Variants in PLCB1 observed in about 807,000 individuals in gnomAD.
PLCB1 encodes phospholipase C beta 1, also known as 1-phosphatidylinositol 4,5-bisphosphate phosphodiesterase beta-1.
A neutral mutation model predicts 161.8 loss-of-function variants in PLCB1; 46 were observed. The observed-to-expected ratio is 0.28, with a 90% confidence interval of 0.22 to 0.36. The LOEUF (loss-of-function observed/expected upper bound fraction) is 0.36, where lower values mean the gene tolerates loss of function less well. Among genes scored for constraint, PLCB1 ranks in the 10% least tolerant of loss-of-function variants. The probability of loss-of-function intolerance (pLI) is 1.00; values close to 1 mark genes in which losing one functional copy is unlikely to be tolerated. For missense variants in PLCB1, 1,016 were observed against 1,472.5 expected (o/e 0.69, Z 5.07); for synonymous variants, 517 against 503.7 (o/e 1.03, Z -0.35).
At chr20:8,534,261 G>A (rs1006987094) in intron 3 of PLCB1, among the ~76,000 whole-genome samples, 4 of 152,108 alleles carry the variant, frequency 2.6e-5, no homozygotes, top group Admixed American at 6.6e-5. Context: ...TGCCATGCCC[G>A]GTTATTCTGG....
At chr20:8,655,719 G>A (rs1989439860) in intron 7 of PLCB1, among the ~76,000 whole-genome samples, 1 of 151,996 alleles carries the variant, frequency 6.6e-6, no homozygotes, top group South Asian at 2.1e-4. Flanking sequence ...CACCCTTGGG[G>A]TTCATAAAAT....
intron 3 of PLCB1, among the ~76,000 whole-genome samples, chr20:8,539,656 C>CT: frequency 1.1e-5 from 1 of 92,854 alleles, no homozygotes. Context: ...TTCTTTCTTT[C>CT]TTTCTTTCTT....
At chr20:8,187,034 A>G (rs576784637) in intron 2 of PLCB1, among the ~76,000 whole-genome samples, 4 of 152,280 alleles carry the variant, frequency 2.6e-5, no homozygotes, top group African/African-American at 4.8e-5. Flanking sequence ...AGAGATCCCT[A>G]TAGGGATTCT....
chr20:8,630,603 T>C (rs1293372065), intron 4 of PLCB1, among the ~76,000 whole-genome samples: 5 of 152,204 alleles, frequency 3.3e-5, no homozygotes, highest in Non-Finnish European at 5.9e-5. Context: ...AATGGATAGT[T>C]GGATGGATAA....
intron 2 of PLCB1, among the ~76,000 whole-genome samples, chr20:8,316,626 C>G (rs1028603909): frequency 6.6e-6 from 1 of 152,138 alleles, no homozygotes; most frequent in African/African-American, 2.4e-5. Context: ...AATCCCAGAA[C>G]TATTCTCTAA....
chr20:8,788,693 T>C lies in PLCB1; in HGVS notation c.3249T>C (p.Ala1083=), dbSNP rs748971124. Residue 1083 remains alanine (A), a synonymous_variant, in exon 29 of 32, where the codon GCT becomes GCC. Coordinates refer to ENST00000338037, the MANE Select transcript of PLCB1 (RefSeq NM_015192.4). ...AGAGGCAGGAGAAGATAACAGAAGCTAAATCCAAAGACAAAAGTCAGATGG... is the reference window on the plus strand; with the variant it reads ...AGAGGCAGGAGAAGATAACAGAAGCCAAATCCAAAGACAAAAGTCAGATGG... The part of the protein sequence containing the change: ...DKKRQEKITE[A]KSKDKSQMEE... 1.2e-6 allele frequency: 2 copies of C among 1,610,896 alleles called. No individual in the cohort carries two copies. Among genetic ancestry groups the C allele is most frequent in the East Asian group, 2.2e-5 (1 of 44,846 alleles).
At chr20:8,179,766 TATA>T (rs1240251263) in intron 2 of PLCB1, among the ~76,000 whole-genome samples, 3 of 151,928 alleles carry the variant, frequency 2.0e-5, no homozygotes, top group African/African-American at 7.3e-5. Context: ...GCTTGTTCAG[TATA>T]ATATTGACTG....
intron 31 of PLCB1, among the ~76,000 whole-genome samples, chr20:8,829,408 GA>G (rs1449073770): frequency 2.0e-5 from 3 of 152,196 alleles, no homozygotes; most frequent in Admixed American, 6.5e-5. Flanking sequence ...TAATTCAGAT[GA>G]ACACCTTCGT....
At position 8,740,434 on chromosome 20, in the gene PLCB1, C is replaced by T. The variant is rs780990860; in HGVS notation, c.2399C>T (p.Pro800Leu). The T allele has an allele frequency of 6.3e-7, 1 of 1,583,550 alleles. No individual in the cohort carries two copies. Among genetic ancestry groups the T allele is most frequent in the Non-Finnish European group, 8.6e-7 (1 of 1,164,752 alleles). Residue 800 changes from proline to leucine, a missense_variant, in exon 22 of 32, where the codon CCA (proline) becomes CTA (leucine). By Grantham distance (98) the Pro-to-Leu change is moderately conservative (BLOSUM62 -3). This residue lies in a region of PLCB1 where 75 missense variants were observed against 117.0 expected (regional missense o/e 0.64). Transcript: ENST00000338037. ...TACATAGAAGTGAAAGACTATGTGC[C>T]AGACACATATGCAGGTAAACAACTT... The part of the protein sequence containing the change: ...FVYIEVKDYV[P>L]DTYADVIEAL...
intron 2 of PLCB1, among the ~76,000 whole-genome samples, chr20:8,350,174 A>G (rs957655646): frequency 6.6e-6 from 1 of 152,138 alleles, no homozygotes; most frequent in Admixed American, 6.5e-5. Context: ...TGCTGCACAG[A>G]TCAATCCATC....
intron 3 of PLCB1, among the ~76,000 whole-genome samples, chr20:8,504,856 AG>A (rs1983570769): frequency 6.6e-6 from 1 of 152,200 alleles, no homozygotes; most frequent in Non-Finnish European, 1.5e-5. Context: ...TCTCTCTGGA[AG>A]GAAGATATTG....
intron 3 of PLCB1, among the ~76,000 whole-genome samples, chr20:8,591,301 A>T (rs1987144378): frequency 6.6e-6 from 1 of 152,180 alleles, no homozygotes; most frequent in African/African-American, 2.4e-5. Flanking sequence ...AACTTTGGGG[A>T]GCCATTATTC....
intron 3 of PLCB1, among the ~76,000 whole-genome samples, chr20:8,415,296 C>T (rs6077357): frequency 6.6e-6 from 1 of 152,104 alleles, no homozygotes. Context: ...GGATGTGTAC[C>T]TTATTTCTCT....
chr20:8,277,531 T>C (rs2123277244), intron 2 of PLCB1, among the ~76,000 whole-genome samples: 1 of 152,306 alleles, frequency 6.6e-6, no homozygotes, highest in East Asian at 1.9e-4. Context: ...AATATATTTC[T>C]TAGACTCACA....
At chr20:8,638,717 A>G (rs549144604) in intron 4 of PLCB1, among the ~76,000 whole-genome samples, 1 of 152,302 alleles carries the variant, frequency 6.6e-6, no homozygotes, top group South Asian at 2.1e-4. Context: ...TTTTTAGGTT[A>G]CTATCATTTA....
chr20:8,788,813 A>C, intron 29 of PLCB1, 91 bp downstream of exon 29: 3 of 792,462 alleles, frequency 3.8e-6, no homozygotes, highest in South Asian at 1.8e-5. Context: ...CCAGTCAAAG[A>C]CTCCTTCGTG....
In PLCB1 at chr20:8,382,369, G is replaced by A. The variant is rs186419557; in HGVS notation, c.246+10919G>A. On this transcript the variant is annotated intron_variant, in intron 3 of 31. Transcript: ENST00000338037. ...GTGATCTCGGCTCTCTGCAAGCTCC[G>A]CCTCCCGGGTTCACGCCATTCTCCT... 2.6e-3 allele frequency among the ~76,000 whole-genome samples: 372 copies of A among 143,874 alleles called. 2 individuals are homozygous for A. The highest frequency in any genetic ancestry group is 0.011 in the Middle Eastern group (3 of 282). The allele number at this position is 143,874 out of a possible 152,430, so 94.4% of individuals were successfully genotyped here.
intron 3 of PLCB1, among the ~76,000 whole-genome samples, chr20:8,373,877 T>C (rs1378906577): frequency 6.6e-6 from 1 of 152,202 alleles, no homozygotes; most frequent in Middle Eastern, 3.2e-3. Flanking sequence ...GTTTAAAATC[T>C]TCAAATTTCC....
intron 2 of PLCB1, among the ~76,000 whole-genome samples, chr20:8,286,020 A>G (rs77213952): frequency 0.011 from 1,607 of 152,354 alleles, 25 homozygotes; most frequent in African/African-American, 0.036. Flanking sequence ...GAAGCATAGC[A>G]TAAGAGAAAA....
Sources: gnomAD v4.1 joint callset for allele counts (sites outside exome capture counted in the v4.1 genomes callset) on GRCh38, gnomAD v4.1.1 for gene constraint, gnomAD v4.1.1 regional missense constraint, MANE v1.5 for transcripts, NCBI Gene and HGNC (gene_info 2026-07-23, HGNC 2026-07-21) for gene names.